The following FARP2 variants were observed in gnomAD, a reference collection of about 807,000 sequenced individuals.
FARP2 encodes FERM, ARH/RhoGEF and pleckstrin domain protein 2.
A neutral mutation model predicts 130.5 loss-of-function variants in FARP2; 111 were observed. The ratio of observed to expected loss-of-function variants is 0.85; its 90% CI spans 0.73 to 1.00. FARP2 has a LOEUF of 1.00. FARP2 is among the 50% of genes least tolerant of loss of function. The pLI, the probability that FARP2 is intolerant of heterozygous loss-of-function variation, is 0.00. For synonymous variants in FARP2, 504 were observed against 516.9 expected, an observed-to-expected ratio of 0.98 and a Z score of 0.34; for missense variants, 1,385 against 1,346.3, an observed-to-expected ratio of 1.03 and a Z score of -0.45.
At position 241,370,280 on chromosome 2, in the gene FARP2, A is replaced by G. The variant is rs1306612130; in HGVS notation, c.-24-2804A>G. On this transcript the variant is annotated intron_variant, in intron 1 of 26. Transcript: ENST00000264042. ...ACACATTGTTTGCTTGTATAAGGAT[A>G]CAAAACTTGAGTTAGACAGCAGTTT... Among the ~76,000 whole-genome samples, 3 of 152,324 alleles carry G rather than the reference A, an allele frequency of 2.0e-5. No individual in the cohort carries two copies. The South Asian group carries it at 6.2e-4, about 32-fold the overall frequency.
chr2:241,438,571 G>A (rs551507849), intron 12 of FARP2, among the ~76,000 whole-genome samples: 1 of 151,682 alleles, frequency 6.6e-6, no homozygotes, highest in African/African-American at 2.4e-5. Flanking sequence ...TAAAGCTCAT[G>A]GTATCCCAGG....
intron 1 of FARP2, among the ~76,000 whole-genome samples, chr2:241,370,087 G>A (rs2061392910): frequency 6.6e-6 from 1 of 152,118 alleles, no homozygotes; most frequent in South Asian, 2.1e-4. Flanking sequence ...CAAAAATGCA[G>A]TAAGAAGAAA....
chr2:241,423,288 A>G (rs2062855717), intron 8 of FARP2, among the ~76,000 whole-genome samples: 1 of 152,214 alleles, frequency 6.6e-6, no homozygotes, highest in Non-Finnish European at 1.5e-5. Context: ...TACAAGCCAG[A>G]AGAGATTGGG....
intron 26 of FARP2, 151 bp downstream of exon 26, chr2:241,493,595 TTG>T (rs2065012207): frequency 1.7e-5 from 11 of 633,258 alleles, no homozygotes; most frequent in Admixed American, 3.4e-5. Flanking sequence ...CAGCAATGCT[TTG>T]TTTTTTTTTT....
chr2:241,409,608 T>G (rs1307308614), intron 5 of FARP2, among the ~76,000 whole-genome samples: 5 of 152,168 alleles, frequency 3.3e-5, no homozygotes, highest in Admixed American at 3.3e-4. Context: ...ACTCAGCACC[T>G]TATTCTCCGC....
At chr2:241,382,290 C>CAATTTTTTTTTTTTTTTTTTTTTTT (rs1553709362) in intron 2 of FARP2, among the ~76,000 whole-genome samples, 1 of 127,198 alleles carries the variant, frequency 7.9e-6, no homozygotes, top group African/African-American at 2.8e-5. Flanking sequence ...TGTACAAAAT[C>CAATTTTTTTTTTTTTTTTTTTTTTT]TATTTTTTTT....
intron 18 of FARP2, among the ~76,000 whole-genome samples, chr2:241,469,832 T>A (rs2064261947): frequency 6.6e-6 from 1 of 152,224 alleles, no homozygotes; most frequent in African/African-American, 2.4e-5. Context: ...GGGATTCCTG[T>A]ACCTCACAAC....
At chr2:241,467,093 A>G (rs2150484389) in intron 17 of FARP2, among the ~76,000 whole-genome samples, 1 of 151,940 alleles carries the variant, frequency 6.6e-6, no homozygotes, top group Non-Finnish European at 1.5e-5. Context: ...CATCTCTACA[A>G]AAAATACAAA....
rs765646394 is a variant in FARP2, at chr2:241,491,221, C to T, written c.2623+42C>T. On this transcript the variant is annotated intron_variant, in intron 23 of 26. Transcript: ENST00000264042. Reference sequence around the variant, plus strand: ...ACCCCCCAGGAGACCTCCACTACACCTAAGGAGGCTTTTTTTGGAAACTGT... The same window carrying T: ...ACCCCCCAGGAGACCTCCACTACACTTAAGGAGGCTTTTTTTGGAAACTGT... 10 of 1,393,484 alleles carry T rather than the reference C, an allele frequency of 7.2e-6. No individual in the cohort carries two copies. In the African/African-American group the frequency reaches 8.5e-5, roughly 12 times the overall value. 86.3% of individuals were successfully genotyped at this position (1,393,484 alleles called of 1,614,324 possible).
intron 14 of FARP2, among the ~76,000 whole-genome samples, chr2:241,457,518 G>C (rs368499115): frequency 0.013 from 1,542 of 119,154 alleles, 4 homozygotes; most frequent in African/African-American, 0.049. Flanking sequence ...AGTGTAGAAA[G>C]ATCTGGGTGC....
intron 1 of FARP2, among the ~76,000 whole-genome samples, chr2:241,356,620 C>T (rs1483015624): frequency 6.6e-6 from 1 of 152,076 alleles, no homozygotes; most frequent in Non-Finnish European, 1.5e-5. Flanking sequence ...TGGGGGCAGG[C>T]GGGGCGGTGG....
chr2:241,473,444 C>T (rs1046940243), intron 18 of FARP2, among the ~76,000 whole-genome samples: 14 of 151,980 alleles, frequency 9.2e-5, no homozygotes, highest in African/African-American at 3.4e-4. Context: ...CTGTGGAGAC[C>T]CTGTTCTGTG....
In FARP2 at chr2:241,413,380, G is replaced by A. The variant is rs1574772178; in HGVS notation, c.582G>A (p.Gln194=). The A allele has an allele frequency of 1.2e-6, 2 of 1,612,086 alleles. No individual in the cohort carries two copies. Among genetic ancestry groups the A allele is most frequent in the Non-Finnish European group, 8.5e-7 (1 of 1,179,360 alleles). The change falls in exon 7 of 27, where the codon CAG becomes CAA. Residue 194 remains glutamine (Q), a synonymous_variant. Transcript: ENST00000264042. ...LKVNEYLPGQ[Q]HCLEKILEFH... The stretch of plus-strand genomic sequence containing the variant: ...TGAACGAGTATTTGCCTGGCCAGCA[G>A]CACTGCCTTGAGAAGATACTAGAAT...
At chr2:241,404,881 A>G (rs775727843) in intron 4 of FARP2, 40 bp downstream of exon 4, 1 of 1,475,322 alleles carries the variant, frequency 6.8e-7, no homozygotes, top group Admixed American at 1.7e-5. Flanking sequence ...TGTTTGTTTA[A>G]GATGTGTTGT....
intron 17 of FARP2, chr2:241,466,468 A>G: frequency 1.0e-6 from 1 of 985,106 alleles, no homozygotes; most frequent in Non-Finnish European, 1.2e-6. Flanking sequence ...GGACCAGCAG[A>G]CTCCTCAGCC....
At chr2:241,462,024 C>G (rs2055569) in intron 14 of FARP2, among the ~76,000 whole-genome samples, 16,441 of 152,250 alleles carry the variant, frequency 0.11, 990 homozygotes, top group Middle Eastern at 0.14. Flanking sequence ...GCTATAGGAT[C>G]GCTCAGGGCT....
chr2:241,436,861 G>A (rs62190367), intron 12 of FARP2, among the ~76,000 whole-genome samples: 16,836 of 152,168 alleles, frequency 0.11, 1,184 homozygotes, highest in Non-Finnish European at 0.15. Flanking sequence ...GGTGGCGCAC[G>A]GGTAGTCTCA....
At chr2:241,393,929 T>TA (rs2061968372) in intron 2 of FARP2, among the ~76,000 whole-genome samples, 1 of 152,230 alleles carries the variant, frequency 6.6e-6, no homozygotes, top group Non-Finnish European at 1.5e-5. Context: ...ACTATGTTCT[T>TA]AATACTGTTT....
intron 2 of FARP2, among the ~76,000 whole-genome samples, chr2:241,399,117 G>A (rs537428201): frequency 4.6e-5 from 7 of 152,266 alleles, no homozygotes; most frequent in African/African-American, 1.2e-4. Context: ...GTATCTTATT[G>A]TGGTTTTAGT....
Sources: allele counts gnomAD v4.1 joint callset (sites outside exome capture counted in the v4.1 genomes callset), GRCh38; gene constraint gnomAD v4.1.1; transcripts MANE v1.5; gene names NCBI Gene and HGNC (gene_info 2026-07-23, HGNC 2026-07-21).